Variants in PTPRO observed in about 807,000 individuals in gnomAD.
PTPRO encodes the protein protein tyrosine phosphatase receptor type O, also known as receptor-type tyrosine-protein phosphatase O.
PTPRO carries 62 observed loss-of-function variants against 145.2 expected under a neutral mutation model. The observed-to-expected ratio is 0.43, with a 90% confidence interval of 0.35 to 0.53. The LOEUF is 0.53. Ranked by LOEUF, PTPRO falls within the 20% of genes least tolerant of loss-of-function variation. The pLI, the probability that PTPRO is intolerant of heterozygous loss-of-function variation, is 0.01. For synonymous variants in PTPRO, 565 were observed against 514.7 expected (o/e 1.10, Z -1.32); for missense variants, 1,345 against 1,482.7 (o/e 0.91, Z 1.53).
intron 19 of PTPRO, among the ~76,000 whole-genome samples, chr12:15,574,636 C>G (rs757019636): frequency 1.3e-5 from 2 of 152,150 alleles, no homozygotes; most frequent in Non-Finnish European, 2.9e-5. Context: ...TTTTTCCACC[C>G]CTTATGGACA....
chr12:15,419,112 A>G (rs1264207737), intron 1 of PTPRO, among the ~76,000 whole-genome samples: 1 of 151,750 alleles, frequency 6.6e-6, no homozygotes, highest in East Asian at 1.9e-4. Context: ...ACAAAGGTGA[A>G]CTCGAAGCAT....
At chr12:15,461,815 C>G (rs972152249) in intron 1 of PTPRO, among the ~76,000 whole-genome samples, 2 of 152,070 alleles carry the variant, frequency 1.3e-5, no homozygotes, top group Non-Finnish European at 2.9e-5. Context: ...ATCCGCCCGC[C>G]TCAGCCTCCC....
chr12:15,543,071 A>T (rs1943211905), intron 12 of PTPRO, among the ~76,000 whole-genome samples: 1 of 152,192 alleles, frequency 6.6e-6, no homozygotes, highest in African/African-American at 2.4e-5. Context: ...TTCCTTTGGG[A>T]TACCAGAGTT....
chr12:15,476,230 T>C (rs1363667631), intron 1 of PTPRO, among the ~76,000 whole-genome samples: 3 of 152,100 alleles, frequency 2.0e-5, no homozygotes, highest in Non-Finnish European at 4.4e-5. Context: ...GGGAAGATGA[T>C]GAGGCAGGAG....
intron 1 of PTPRO, among the ~76,000 whole-genome samples, chr12:15,357,402 A>G (rs1055720604): frequency 6.6e-6 from 1 of 152,248 alleles, no homozygotes; most frequent in African/African-American, 2.4e-5. Flanking sequence ...TGAATGAAAT[A>G]GAAATGAACT....
At chr12:15,468,572 G>T (rs997780486) in intron 1 of PTPRO, among the ~76,000 whole-genome samples, 5 of 152,074 alleles carry the variant, frequency 3.3e-5, no homozygotes, top group African/African-American at 1.2e-4. Flanking sequence ...CTTACTCTAG[G>T]CTGCAGCCAC....
At chr12:15,593,480 A>T (rs1320369669) in intron 25 of PTPRO, among the ~76,000 whole-genome samples, 1 of 152,230 alleles carries the variant, frequency 6.6e-6, no homozygotes, top group Admixed American at 6.5e-5. Context: ...TATAACTTTT[A>T]CATGATTGTG....
At chr12:15,488,043 G>A (rs1252383458) in intron 2 of PTPRO, among the ~76,000 whole-genome samples, 3 of 152,052 alleles carry the variant, frequency 2.0e-5, no homozygotes, top group Non-Finnish European at 2.9e-5. Flanking sequence ...TCACTCCTTC[G>A]AATTCACATC....
intron 1 of PTPRO, among the ~76,000 whole-genome samples, chr12:15,344,957 A>C (rs1867145724): frequency 6.6e-6 from 1 of 152,248 alleles, no homozygotes; most frequent in Admixed American, 6.5e-5. Context: ...TATGGCTCAG[A>C]GGAATTAAGT....
intron 1 of PTPRO, among the ~76,000 whole-genome samples, chr12:15,374,002 A>G (rs1323344858): frequency 6.6e-6 from 1 of 152,180 alleles, no homozygotes; most frequent in African/African-American, 2.4e-5. Context: ...TCAAAAATTC[A>G]AAGAACAATT....
chr12:15,393,555 G>A (rs1251741071), intron 1 of PTPRO, among the ~76,000 whole-genome samples: 1 of 152,028 alleles, frequency 6.6e-6, no homozygotes, highest in Non-Finnish European at 1.5e-5. Context: ...TATCATGTCA[G>A]GTCAGGAATT....
intron 1 of PTPRO, among the ~76,000 whole-genome samples, chr12:15,373,336 A>G (rs1489413401): frequency 6.6e-6 from 1 of 152,210 alleles, no homozygotes; most frequent in Admixed American, 6.5e-5. Flanking sequence ...TAAGATTGGC[A>G]TCATAACTGA....
intron 19 of PTPRO, among the ~76,000 whole-genome samples, chr12:15,573,503 C>A (rs888159): frequency 0.98 from 149,529 of 152,332 alleles, 73,453 homozygotes; most frequent in East Asian, 1. Flanking sequence ...GTTATTTATT[C>A]TGATGCTCTC....
chr12:15,593,053 G>C (rs1260904567), intron 25 of PTPRO, among the ~76,000 whole-genome samples: 1 of 152,206 alleles, frequency 6.6e-6, no homozygotes, highest in African/African-American at 2.4e-5. Flanking sequence ...GATGCAGATT[G>C]AATGTCCAGG....
chr12:15,560,474 G>A (rs1177098415), intron 17 of PTPRO, among the ~76,000 whole-genome samples, 198 bp downstream of exon 17: 1 of 151,974 alleles, frequency 6.6e-6, no homozygotes, highest in Non-Finnish European at 1.5e-5. Context: ...ATTTTTTTCC[G>A]TGATGTTGTT....
intron 1 of PTPRO, among the ~76,000 whole-genome samples, chr12:15,411,696 G>A (rs549907608): frequency 6.6e-6 from 1 of 152,306 alleles, no homozygotes; most frequent in African/African-American, 2.4e-5. Context: ...AGAGTCTAAA[G>A]GACAAAACTA....
intron 1 of PTPRO, among the ~76,000 whole-genome samples, chr12:15,420,841 C>T (rs1347802406): frequency 6.6e-6 from 1 of 152,174 alleles, no homozygotes; most frequent in Non-Finnish European, 1.5e-5. Flanking sequence ...ATAGTTTCTA[C>T]CTCACGGGGC....
At chr12:15,523,098 A>T (rs1465840814) in intron 10 of PTPRO, among the ~76,000 whole-genome samples, 1 of 152,248 alleles carries the variant, frequency 6.6e-6, no homozygotes, top group Admixed American at 6.5e-5. Flanking sequence ...ATTGCTAAGC[A>T]TACTATATAA....
chr12:15,547,711 C>A (rs1181560611), intron 13 of PTPRO, among the ~76,000 whole-genome samples: 1 of 152,152 alleles, frequency 6.6e-6, no homozygotes, highest in Non-Finnish European at 1.5e-5. Flanking sequence ...TCTATAACTA[C>A]AGTGATGCCT....
Sources: allele counts gnomAD v4.1 joint callset (sites outside exome capture counted in the v4.1 genomes callset), GRCh38; gene constraint gnomAD v4.1.1; transcripts MANE v1.5; gene names NCBI Gene and HGNC (gene_info 2026-07-23, HGNC 2026-07-21).